Variants in HMCN1 observed in about 807,000 individuals in gnomAD.
HMCN1 encodes the protein hemicentin 1, also known as hemicentin-1.
In HMCN1, 321 loss-of-function variants were observed where a neutral mutation model predicts 625.9. The observed-to-expected ratio is 0.51, with a 90% CI of 0.47 to 0.56. The LOEUF (loss-of-function observed/expected upper bound fraction) is 0.56. Among genes scored for constraint, HMCN1 ranks in the 20% least tolerant of loss-of-function variants. HMCN1 has a pLI of 0.00. For missense variants in HMCN1, 6,588 were observed against 6,887.3 expected, an observed-to-expected ratio of 0.96 and a Z score of 1.54; for synonymous variants, 2,425 against 2,417.6, an observed-to-expected ratio of 1.00 and a Z score of -0.09.
intron 1 of HMCN1, among the ~76,000 whole-genome samples, chr1:185,803,204 G>GTAAAAAAAAAAAAAAAAAAAAAAAAAA (rs1557981375): frequency 4.2e-5 from 1 of 23,712 alleles, no homozygotes; most frequent in Non-Finnish European, 8.2e-5. Flanking sequence ...AAAAAAAAAA[G>GTAAAAAAAAAAAAAAAAAAAAAAAAAA]CAAAAAAAAA....
rs1208823328 is a variant in HMCN1 at position 185,977,930 on chromosome 1, T to C, written c.2515T>C (p.Phe839Leu). 6.2e-7 allele frequency: 1 copy of C among 1,613,280 alleles called. No individual in the cohort carries two copies. The highest frequency in any genetic ancestry group is 1.1e-5 in the South Asian group (1 of 91,066). The change falls in exon 16 of 107, where the codon TTT (phenylalanine) becomes CTT (leucine). Residue 839 changes from phenylalanine (F) to leucine (L), a missense_variant. Coordinates refer to ENST00000271588, the MANE Select transcript of HMCN1 (RefSeq NM_031935.3). ...LDNMPIFSRP[F>L]SVSSISQLRT... ...CAACATGCCAATTTTCTCAAGACCT[T>C]TTTCAGTTAGTTCCATCAGCCAACT...
At chr1:186,159,432 C>T (rs1651276839) in intron 97 of HMCN1, among the ~76,000 whole-genome samples, 1 of 151,908 alleles carries the variant, frequency 6.6e-6, no homozygotes, top group African/African-American at 2.4e-5. Context: ...GCCTAATTGC[C>T]CTGGCCAGAA....
In HMCN1 at chr1:186,038,091, G is replaced by A. The variant is rs913787309; in HGVS notation, c.5851+56G>A. 4 of 1,202,962 alleles carry A rather than the reference G, an allele frequency of 3.3e-6. No individual in the cohort carries two copies. The African/African-American group carries it at 6.0e-5, about 18-fold the overall frequency. 74.5% of individuals were successfully genotyped at this position (1,202,962 alleles called of 1,614,324 possible). A position where few individuals can be genotyped will look rare whatever the true frequency, so the allele number is the denominator to read the frequency against. ...TATTTTAAGATTTCTGGGAATAACT[G>A]AAATTGGTTTTGAGCATAATATACT... On this transcript the variant is annotated intron_variant, in intron 37 of 106. Coordinates refer to ENST00000271588, the MANE Select transcript of HMCN1 (RefSeq NM_031935.3).
At chr1:185,736,135 G>C (rs1653551628) in intron 1 of HMCN1, among the ~76,000 whole-genome samples, 1 of 152,074 alleles carries the variant, frequency 6.6e-6, no homozygotes, top group African/African-American at 2.4e-5. Flanking sequence ...AATATGGCAG[G>C]TTTTAACTAT....
intron 2 of HMCN1, among the ~76,000 whole-genome samples, chr1:185,851,054 T>C (rs12753289): frequency 6.6e-6 from 1 of 152,170 alleles, no homozygotes; most frequent in South Asian, 2.1e-4. Flanking sequence ...TTGTTCAGTG[T>C]TTACTTATAG....
chr1:185,862,274 AAAGTT>A (rs1285569951), intron 2 of HMCN1, among the ~76,000 whole-genome samples: 1 of 152,160 alleles, frequency 6.6e-6, no homozygotes, highest in African/African-American at 2.4e-5. Context: ...CAGGCAAAAT[AAAGTT>A]AAGTGGAAGG....
chr1:186,065,020 T>G (rs1658015211), intron 48 of HMCN1, among the ~76,000 whole-genome samples: 1 of 152,114 alleles, frequency 6.6e-6, no homozygotes, highest in African/African-American at 2.4e-5. Flanking sequence ...AACCTACATT[T>G]GAAAATGATT....
At chr1:186,041,943 A>T (rs1656237110) in intron 40 of HMCN1, among the ~76,000 whole-genome samples, 1 of 152,162 alleles carries the variant, frequency 6.6e-6, no homozygotes. Flanking sequence ...TTACCTTTTT[A>T]AAAATTTTTA....
intron 1 of HMCN1, among the ~76,000 whole-genome samples, chr1:185,748,164 T>A (rs1462448034): frequency 6.6e-6 from 1 of 151,804 alleles, no homozygotes; most frequent in Non-Finnish European, 1.5e-5. Context: ...AGATTCAAAG[T>A]GAAATCTGTT....
intron 73 of HMCN1, 45 bp from the exon 74 acceptor site, chr1:186,114,774 A>G (rs372363133): frequency 6.2e-7 from 1 of 1,610,898 alleles, no homozygotes; most frequent in Non-Finnish European, 8.5e-7. Context: ...ATGAACAATC[A>G]AAAAAGGCTG....
intron 1 of HMCN1, among the ~76,000 whole-genome samples, chr1:185,845,812 G>A (rs925914104): frequency 6.6e-6 from 1 of 152,040 alleles, no homozygotes; most frequent in African/African-American, 2.4e-5. Context: ...CATTTCTTAT[G>A]GTTAAAAATT....
rs1320671884 is a variant in HMCN1 at position 186,151,760 on chromosome 1, T to C, written c.14896+17T>C. On this transcript the variant is annotated intron_variant, in intron 95 of 106. Transcript: ENST00000271588. ...TTGCAACTGGTTAGTGTCAGCTGAA[T>C]TTAATATTCTATTACTATAAAAAGT... The C allele has an allele frequency of 6.2e-7, 1 of 1,611,224 alleles. No homozygotes were observed. Among genetic ancestry groups the C allele is most frequent in the East Asian group, 2.2e-5 (1 of 44,768 alleles).
At chr1:185,972,603 G>T (rs55869520) in intron 15 of HMCN1, among the ~76,000 whole-genome samples, 3,834 of 152,172 alleles carry the variant, frequency 0.025, 158 homozygotes, top group African/African-American at 0.087. Flanking sequence ...TTTGTTTATT[G>T]TAACCTTGAC....
At chr1:185,993,570 C>T (rs986378194) in intron 23 of HMCN1, 12 of 402,868 alleles carry the variant, frequency 3.0e-5, no homozygotes, top group African/African-American at 2.2e-4. Context: ...GGTCAACAGT[C>T]ACTTATTGCT....
chr1:185,851,771 G>A (rs1396996742), intron 2 of HMCN1, among the ~76,000 whole-genome samples: 1 of 151,836 alleles, frequency 6.6e-6, no homozygotes, highest in Non-Finnish European at 1.5e-5. Flanking sequence ...AGAACAGAAA[G>A]TATATTAGTC....
At chr1:185,951,794 G>A (rs557709693) in intron 11 of HMCN1, among the ~76,000 whole-genome samples, 20 of 151,896 alleles carry the variant, frequency 1.3e-4, no homozygotes, top group South Asian at 1.2e-3. Context: ...CTGGAGGAAC[G>A]CCTGGCTGCT....
intron 6 of HMCN1, 109 bp downstream of exon 6, chr1:185,911,889 T>C (rs945906405): frequency 1.2e-6 from 1 of 852,478 alleles, no homozygotes; most frequent in Non-Finnish European, 2.0e-6. Flanking sequence ...TCATGGAGAG[T>C]GCTTGTAATA....
At chr1:185,952,901 A>G (rs938934577) in intron 11 of HMCN1, among the ~76,000 whole-genome samples, 7 of 150,642 alleles carry the variant, frequency 4.6e-5, no homozygotes, top group Admixed American at 4.0e-4. Flanking sequence ...GGGCACAGAG[A>G]TAAGAGGTTG....
chr1:185,772,581 A>C (rs1286416392), intron 1 of HMCN1, among the ~76,000 whole-genome samples: 1 of 152,090 alleles, frequency 6.6e-6, no homozygotes, highest in East Asian at 1.9e-4. Flanking sequence ...AGAAGAAGAA[A>C]TGTATTTCTG....
Sources: allele counts gnomAD v4.1 joint callset (sites outside exome capture counted in the v4.1 genomes callset), GRCh38; gene constraint gnomAD v4.1.1; transcripts MANE v1.5; gene names NCBI Gene and HGNC (gene_info 2026-07-23, HGNC 2026-07-21).